The following SAMD5 variants were observed in gnomAD, a reference collection of about 807,000 sequenced individuals.
SAMD5 encodes the protein sterile alpha motif domain-containing protein 5.
SAMD5 carries 13 observed loss-of-function variants against 11.3 expected under a neutral mutation model. That is an observed-to-expected ratio of 1.15 (90% CI 0.75 to 1.83). SAMD5 has a LOEUF of 1.83. SAMD5 is among the 40% of genes most tolerant of loss of function. The pLI is 0.00. For synonymous variants in SAMD5, 129 were observed against 111.3 expected (o/e 1.16, Z -1.00); for missense variants, 255 against 239.1 (o/e 1.07, Z -0.44).
intron 1 of SAMD5, among the ~76,000 whole-genome samples, chr6:147,688,797 C>T (rs1791057397): frequency 6.6e-6 from 1 of 152,250 alleles, no homozygotes; most frequent in South Asian, 2.1e-4. Flanking sequence ...TTTTGGGGGT[C>T]CAGATTTTCA....
chr6:147,537,151 A>G (rs1788522681), intron 1 of SAMD5, among the ~76,000 whole-genome samples: 1 of 152,206 alleles, frequency 6.6e-6, no homozygotes, highest in Admixed American at 6.5e-5. Flanking sequence ...GCAGTTTTAC[A>G]TAATTTTGGA....
the SAMD5 span, among the ~76,000 whole-genome samples, chr6:147,828,919 AT>A: frequency 1.3e-5 from 2 of 152,310 alleles, no homozygotes; most frequent in African/African-American, 4.8e-5. Flanking sequence ...GCTCAAAGGA[AT>A]AAGAGCTGGC....
chr6:147,769,528 T>G, the SAMD5 span, among the ~76,000 whole-genome samples: 1 of 152,218 alleles, frequency 6.6e-6, no homozygotes. Context: ...CTCTGCTGCC[T>G]TACTTTTGGA....
intron 1 of SAMD5, among the ~76,000 whole-genome samples, chr6:147,612,213 T>A (rs12662247): frequency 4.6e-5 from 7 of 151,946 alleles, no homozygotes; most frequent in African/African-American, 7.3e-5. Context: ...GTGGTTTCCA[T>A]ATGGTGACAC....
chr6:147,763,256 T>C, the SAMD5 span, among the ~76,000 whole-genome samples: 1 of 151,734 alleles, frequency 6.6e-6, no homozygotes, highest in Admixed American at 6.6e-5. Flanking sequence ...GCCTCTCGGG[T>C]TCAAGCGATT....
chr6:147,690,866 A>G (rs1791090651), intron 1 of SAMD5, among the ~76,000 whole-genome samples: 1 of 152,084 alleles, frequency 6.6e-6, no homozygotes, highest in East Asian at 1.9e-4. Flanking sequence ...CTCAAATAAT[A>G]ATAATTTAAA....
intron 1 of SAMD5, among the ~76,000 whole-genome samples, chr6:147,638,751 T>C (rs530396459): frequency 2.0e-5 from 3 of 152,322 alleles, no homozygotes; most frequent in African/African-American, 7.2e-5. Flanking sequence ...GCAGATTTAT[T>C]CTTCATAAAT....
At chr6:147,798,904 T>G in the SAMD5 span, among the ~76,000 whole-genome samples, 2 of 152,162 alleles carry the variant, frequency 1.3e-5, no homozygotes, top group Non-Finnish European at 2.9e-5. Context: ...TGCCTTTTTT[T>G]GTTTTCCATT....
chr6:147,612,691 T>C (rs535221228), intron 1 of SAMD5, among the ~76,000 whole-genome samples: 3 of 152,346 alleles, frequency 2.0e-5, no homozygotes, highest in Non-Finnish European at 4.4e-5. Context: ...CAGAAACCCG[T>C]GGAAGCACAG....
intron 1 of SAMD5, among the ~76,000 whole-genome samples, chr6:147,593,019 T>A (rs1215568073): frequency 1.3e-5 from 2 of 150,188 alleles, no homozygotes; most frequent in East Asian, 3.9e-4. Context: ...CCTGGGATAC[T>A]GCAGAGGTAA....
At chr6:147,949,465 T>C in the SAMD5 span, among the ~76,000 whole-genome samples, 1 of 152,164 alleles carries the variant, frequency 6.6e-6, no homozygotes, top group South Asian at 2.1e-4. Context: ...GAGTTTTATT[T>C]TCACTATAAA....
At chr6:147,902,612 G>A in the SAMD5 span, among the ~76,000 whole-genome samples, 6 of 152,100 alleles carry the variant, frequency 3.9e-5, no homozygotes, top group East Asian at 7.7e-4. Flanking sequence ...TTACTTCTGC[G>A]ATTAATGCTA....
At chr6:147,614,882 A>C (rs844615) in intron 1 of SAMD5, among the ~76,000 whole-genome samples, 6,135 of 152,068 alleles carry the variant, frequency 0.04, 173 homozygotes, top group East Asian at 0.071. Flanking sequence ...TCAACCAACC[A>C]TAGACTGAAA....
At chr6:147,877,049 T>C in the SAMD5 span, among the ~76,000 whole-genome samples, 2 of 151,098 alleles carry the variant, frequency 1.3e-5, no homozygotes, top group African/African-American at 4.9e-5. Flanking sequence ...CCTAATGAAA[T>C]TCTTTTTTCC....
intron 1 of SAMD5, among the ~76,000 whole-genome samples, chr6:147,539,669 G>A (rs1330525062): frequency 6.7e-6 from 1 of 149,232 alleles, no homozygotes; most frequent in African/African-American, 2.5e-5. Context: ...GTTATCTTAG[G>A]ACCTCTTACA....
intron 1 of SAMD5, among the ~76,000 whole-genome samples, chr6:147,661,908 C>T (rs1308045746): frequency 1.3e-5 from 2 of 152,204 alleles, no homozygotes; most frequent in Admixed American, 6.5e-5. Context: ...GGATTACAGG[C>T]GTGAGCCACC....
the SAMD5 span, among the ~76,000 whole-genome samples, chr6:147,922,936 C>T: frequency 6.6e-6 from 1 of 152,126 alleles, no homozygotes; most frequent in African/African-American, 2.4e-5. Flanking sequence ...CAAGTGTAAA[C>T]ACATTTCTTT....
the SAMD5 span, among the ~76,000 whole-genome samples, chr6:147,951,244 C>T: frequency 7.3e-5 from 11 of 151,018 alleles, no homozygotes; most frequent in Admixed American, 2.0e-4. Flanking sequence ...TGCAGTGGCG[C>T]GATCTCGGCT....
At chr6:147,859,529 CGT>C in the SAMD5 span, among the ~76,000 whole-genome samples, 1 of 152,132 alleles carries the variant, frequency 6.6e-6, no homozygotes, top group African/African-American at 2.4e-5. Context: ...TAAGTTGACA[CGT>C]GAGTAGGCGA....
Sources: allele counts gnomAD v4.1 joint callset (sites outside exome capture counted in the v4.1 genomes callset), GRCh38; gene constraint gnomAD v4.1.1; transcripts MANE v1.5; gene names NCBI Gene and HGNC (gene_info 2026-07-23, HGNC 2026-07-21).